Variants in PGLYRP3 observed in about 807,000 individuals in gnomAD.
PGLYRP3 encodes peptidoglycan recognition protein I alpha.
In PGLYRP3, 39 loss-of-function variants were observed where a neutral mutation model predicts 36.0. The ratio of observed to expected loss-of-function variants is 1.08; its 90% CI spans 0.84 to 1.41. The LOEUF (loss-of-function observed/expected upper bound fraction) is 1.41. Among genes scored for constraint, PGLYRP3 ranks in the 40% most tolerant of loss-of-function variants. The pLI is 0.00. For missense variants in PGLYRP3, 407 were observed against 427.9 expected (o/e 0.95, Z 0.43); for synonymous variants, 204 against 172.8 (o/e 1.18, Z -1.42).
intron 6 of PGLYRP3, among the ~76,000 whole-genome samples, 183 bp downstream of exon 6, chr1:153,302,226 G>C (rs921941819): frequency 5.3e-5 from 8 of 152,158 alleles, no homozygotes; most frequent in Non-Finnish European, 1.0e-4. Context: ...TCCAAGCGAG[G>C]TAACTGACCA....
chr1:153,310,755 G>A (rs896352539), intron 1 of PGLYRP3, 49 bp from the exon 2 acceptor site: 117 of 1,181,714 alleles, frequency 9.9e-5, no homozygotes, highest in Non-Finnish European at 1.4e-4. Context: ...TCTGCAAGTG[G>A]AGCACCCACC....
rs200719839 is a variant in PGLYRP3 at position 153,298,059 on chromosome 1, G to A, written c.923C>T (p.Thr308Ile). ...GTGGCCCATCAGCAGGTAGTTTGGA[G>A]TCAGGTACCCCTCAACCACGGCACA... is the stretch of plus-strand genomic sequence containing the variant. ...IQCAVVEGYL[T>I]PNYLLMGHSD... The change falls in exon 8 of 8, where the codon ACT (threonine) becomes ATT (isoleucine). Residue 308 changes from threonine to isoleucine, a missense_variant. Physicochemically the swap from Thr to Ile is moderately conservative, Grantham distance 89. Coordinates refer to ENST00000683862, the MANE Select transcript of PGLYRP3 (RefSeq NM_052891.3). 6 of 1,614,080 alleles carry A rather than the reference G, an allele frequency of 3.7e-6. No homozygotes were observed. In the Admixed American group the frequency reaches 8.3e-5, roughly 22 times the overall value.
chr1:153,311,573 G>A (rs1033145635), intron 1 of PGLYRP3, among the ~76,000 whole-genome samples: 4 of 152,184 alleles, frequency 2.6e-5, no homozygotes, highest in African/African-American at 9.7e-5. Flanking sequence ...GTCTTTTCCA[G>A]CTCCAGGAAT....
At chr1:153,306,643 C>G (rs1659744876) in intron 3 of PGLYRP3, among the ~76,000 whole-genome samples, 1 of 152,172 alleles carries the variant, frequency 6.6e-6, no homozygotes, top group African/African-American at 2.4e-5. Flanking sequence ...TCTCTCTGAG[C>G]AGAGCTTTTA....
At position 153,297,197 on chromosome 1, in the gene PGLYRP3, G is replaced by A. The variant is rs1659446853; in HGVS notation, c.*759C>T. Among the ~76,000 whole-genome samples, 1 of 152,124 alleles carries A rather than the reference G, an allele frequency of 6.6e-6. No homozygotes were observed. Among genetic ancestry groups the A allele is most frequent in the African/African-American group, 2.4e-5 (1 of 41,412 alleles). Reference sequence around the variant, plus strand: ...ACTCCAAACACTGCTGAGGAACTGAGGATAGAGATGAATAAAATAGAATTC... The same window carrying A: ...ACTCCAAACACTGCTGAGGAACTGAAGATAGAGATGAATAAAATAGAATTC... On this transcript the variant is annotated 3_prime_UTR_variant, in exon 8 of 8. Transcript: ENST00000683862.
Position 153,298,064 on chromosome 1 carries a change from G to A in PGLYRP3, c.918C>T (p.Tyr306=). Residue 306 remains tyrosine, a synonymous_variant, in exon 8 of 8, where the codon TAC becomes TAT. Transcript: ENST00000683862. ...DLIQCAVVEG[Y]LTPNYLLMGH... Reference sequence around the variant, plus strand: ...CCATCAGCAGGTAGTTTGGAGTCAGGTACCCCTCAACCACGGCACACTGGA... The same window carrying A: ...CCATCAGCAGGTAGTTTGGAGTCAGATACCCCTCAACCACGGCACACTGGA... 7 of 1,614,020 alleles carry A rather than the reference G, an allele frequency of 4.3e-6. No individual in the cohort carries two copies. Among genetic ancestry groups the A allele is most frequent in the African/African-American group, 1.3e-5 (1 of 74,976 alleles).
intron 3 of PGLYRP3, among the ~76,000 whole-genome samples, chr1:153,306,693 G>T (rs1304717387): frequency 6.6e-6 from 1 of 152,212 alleles, no homozygotes; most frequent in Non-Finnish European, 1.5e-5. Flanking sequence ...TGAAATAAGG[G>T]TAGGAATATG....
intron 6 of PGLYRP3, among the ~76,000 whole-genome samples, chr1:153,300,369 A>G (rs1320710301): frequency 6.6e-6 from 1 of 152,170 alleles, no homozygotes; most frequent in African/African-American, 2.4e-5. Flanking sequence ...CATCATATAC[A>G]TTATCCTGTT....
chr1:153,302,342 C>T, intron 6 of PGLYRP3, 67 bp downstream of exon 6: 1 of 1,546,854 alleles, frequency 6.5e-7, no homozygotes, highest in Non-Finnish European at 8.9e-7. Context: ...CATCAGTTCC[C>T]TCCCACAGCC....
chr1:153,304,810 A>G, intron 4 of PGLYRP3, 137 bp downstream of exon 4: 1 of 640,792 alleles, frequency 1.6e-6, no homozygotes. Context: ...CAAAGGAGAA[A>G]AGAATTTCAA....
Position 153,298,013 on chromosome 1 carries a change from C to T in PGLYRP3, c.969G>A (p.Leu323=). 1 of 1,614,022 alleles carries T rather than the reference C, an allele frequency of 6.2e-7. No individual in the cohort carries two copies. Among genetic ancestry groups the T allele is most frequent in the Non-Finnish European group, 8.5e-7 (1 of 1,180,006 alleles). ...LMGHSDVVNI[L]SPGQALYNII... ...TGTTATACAAAGCCTGCCCAGGGGA[C>T]AGGATGTTGACCACGTCACTGTGGC... The change falls in exon 8 of 8, where the codon CTG becomes CTA. Residue 323 remains leucine (L), a synonymous_variant. Coordinates refer to ENST00000683862, the MANE Select transcript of PGLYRP3 (RefSeq NM_052891.3).
At position 153,303,833 on chromosome 1, in the gene PGLYRP3, G is replaced by A. The variant is rs927124844; in HGVS notation, c.529+24C>T. On this transcript the variant is annotated intron_variant, in intron 5 of 7. Coordinates refer to ENST00000683862, the MANE Select transcript of PGLYRP3 (RefSeq NM_052891.3). The stretch of plus-strand genomic sequence containing the variant: ...TGGCTAGGTGGTGACGAGGAGGAGG[G>A]TGAGGTGACATGGAGGGTCTTACCC... 10 of 1,594,828 alleles carry A rather than the reference G, an allele frequency of 6.3e-6. 1 individual carries two copies. In the African/African-American group the frequency reaches 6.7e-5, roughly 11 times the overall value.
intron 2 of PGLYRP3, among the ~76,000 whole-genome samples, chr1:153,308,996 A>T (rs1460775711): frequency 8.0e-6 from 1 of 125,484 alleles, no homozygotes; most frequent in African/African-American, 2.7e-5. Flanking sequence ...TGTTGAGCTA[A>T]CACACATGTC....
intron 4 of PGLYRP3, among the ~76,000 whole-genome samples, 183 bp downstream of exon 4, chr1:153,304,764 G>A (rs560267041): frequency 6.6e-6 from 1 of 152,360 alleles, no homozygotes; most frequent in East Asian, 1.9e-4. Context: ...CCAGTAAAGA[G>A]AGGCAGAGGA....
intron 2 of PGLYRP3, among the ~76,000 whole-genome samples, chr1:153,308,075 GC>G (rs1444893207): frequency 6.6e-6 from 1 of 151,374 alleles, no homozygotes; most frequent in Non-Finnish European, 1.5e-5. Flanking sequence ...GCTCACTGCA[GC>G]CTCCACCTCC....
chr1:153,306,513 A>G (rs980927149), intron 3 of PGLYRP3, among the ~76,000 whole-genome samples: 2 of 152,192 alleles, frequency 1.3e-5, no homozygotes, highest in Non-Finnish European at 2.9e-5. Context: ...ACTTGCTGTC[A>G]GAGTGGTCTT....
chr1:153,298,381 T>A (rs2771111), intron 7 of PGLYRP3, among the ~76,000 whole-genome samples: 3 of 151,890 alleles, frequency 2.0e-5, no homozygotes, highest in African/African-American at 7.3e-5. Flanking sequence ...GGGGGCCAGG[T>A]GCAGTAGCTC....
chr1:153,304,049 A>G (rs761299268), intron 4 of PGLYRP3, 40 bp from the exon 5 acceptor site: 2 of 1,584,542 alleles, frequency 1.3e-6, no homozygotes, highest in African/African-American at 2.7e-5. Context: ...TGTCAGTAAG[A>G]AACTCCACCT....
At chr1:153,301,395 A>G (rs1659594381) in intron 6 of PGLYRP3, among the ~76,000 whole-genome samples, 1 of 152,228 alleles carries the variant, frequency 6.6e-6, no homozygotes, top group Non-Finnish European at 1.5e-5. Context: ...GTGACATATC[A>G]TGAGGCTGGA....
Sources: gnomAD v4.1 joint callset for allele counts (sites outside exome capture counted in the v4.1 genomes callset) on GRCh38, gnomAD v4.1.1 for gene constraint, MANE v1.5 for transcripts, NCBI Gene and HGNC (gene_info 2026-07-23, HGNC 2026-07-21) for gene names.